Variants in TBX18 observed in about 807,000 individuals in gnomAD.
TBX18 encodes the protein T-box transcription factor 18.
In TBX18, 21 loss-of-function variants were observed where a neutral mutation model predicts 55.0. The observed-to-expected ratio is 0.38, with a 90% CI of 0.27 to 0.55. The LOEUF is 0.55. Ranked by LOEUF, TBX18 falls within the 20% of genes least tolerant of loss-of-function variation. TBX18 has a pLI of 0.73. For missense variants in TBX18, 840 were observed against 799.6 expected (o/e 1.05, Z -0.61); for synonymous variants, 342 against 326.1 (o/e 1.05, Z -0.53).
chr6:84,756,671 G>A, intron 4 of TBX18, 27 bp downstream of exon 4: 3 of 1,604,792 alleles, frequency 1.9e-6, no homozygotes, highest in Non-Finnish European at 2.6e-6. Context: ...GCCATCTACA[G>A]ATGCATTAGA....
intron 4 of TBX18, among the ~76,000 whole-genome samples, chr6:84,750,525 T>G (rs1431485163): frequency 6.6e-6 from 1 of 152,142 alleles, no homozygotes; most frequent in Admixed American, 6.5e-5. Flanking sequence ...ACATTACATA[T>G]ATTTAAGTCT....
intron 4 of TBX18, among the ~76,000 whole-genome samples, chr6:84,750,562 T>G (rs1767320592): frequency 6.6e-6 from 1 of 152,106 alleles, no homozygotes; most frequent in African/African-American, 2.4e-5. Context: ...ATACTCCAAT[T>G]TATAGATAGA....
At position 84,735,112 on chromosome 6, in the gene TBX18, A is replaced by ATTT. The variant is rs1227782766; in HGVS notation, c.*1572_*1573insAAA. On this transcript the variant is annotated 3_prime_UTR_variant, in exon 8 of 8. Coordinates refer to ENST00000369663, the MANE Select transcript of TBX18 (RefSeq NM_001080508.3). ...CCCCACCAAATCCAGGGATGAGTTAAAGCAACTCTTTTTAGCAATGAGAGA... is the reference window on the plus strand; with the variant it reads ...CCCCACCAAATCCAGGGATGAGTTAATTTAGCAACTCTTTTTAGCAATGAGAGA... The ATTT allele has an allele frequency of 6.6e-6, 1 of 152,188 alleles. No individual in the cohort carries two copies. The highest frequency in any genetic ancestry group is 1.9e-4 in the East Asian group (1 of 5,194). 9.4% of individuals were successfully genotyped at this position (152,188 alleles called of 1,614,324 possible).
chr6:84,753,015 T>C (rs561451839), intron 4 of TBX18, among the ~76,000 whole-genome samples: 25 of 152,268 alleles, frequency 1.6e-4, no homozygotes, highest in African/African-American at 6.0e-4. Context: ...GGGAAGGAAT[T>C]ACCCTACTCA....
Position 84,756,844 on chromosome 6 carries a change from T to C in TBX18, c.625A>G (p.Met209Val). ...GGCGAGTCAGCATTACCTGCCACCA[T>C]CCATTTCGAACTGTGGTAAACATAC... ...YRYVYHSSKW[M>V]VAGNADSPVP... The change falls in exon 4 of 8, where the codon ATG (methionine) becomes GTG (valine). Residue 209 changes from methionine (M) to valine (V), a missense_variant. Transcript: ENST00000369663. 1 of 1,614,134 alleles carries C rather than the reference T, an allele frequency of 6.2e-7. No individual in the cohort carries two copies.
At chr6:84,752,400 A>G (rs930305004) in intron 4 of TBX18, among the ~76,000 whole-genome samples, 4 of 152,196 alleles carry the variant, frequency 2.6e-5, no homozygotes, top group Non-Finnish European at 5.9e-5. Flanking sequence ...CTTGCTCCCT[A>G]CATTTTTTGG....
intron 6 of TBX18, among the ~76,000 whole-genome samples, chr6:84,740,054 CT>C (rs1767007321): frequency 1.3e-5 from 2 of 152,266 alleles, no homozygotes; most frequent in South Asian, 4.1e-4. Context: ...GCACATAAGC[CT>C]GACTCATCTC....
At chr6:84,753,887 A>C (rs1767418362) in intron 4 of TBX18, among the ~76,000 whole-genome samples, 1 of 152,102 alleles carries the variant, frequency 6.6e-6, no homozygotes, top group South Asian at 2.1e-4. Context: ...CTCTCCCCAC[A>C]TAGGCTAGAA....
At chr6:84,762,281 G>C (rs1183938996) in intron 2 of TBX18, among the ~76,000 whole-genome samples, 1 of 152,150 alleles carries the variant, frequency 6.6e-6, no homozygotes, top group Non-Finnish European at 1.5e-5. Context: ...CATCAACCGC[G>C]ACAGCTGTGG....
Position 84,732,588 on chromosome 6 carries a change from T to G in TBX18, c.*4097A>C, listed in dbSNP as rs529912971. On this transcript the variant is annotated 3_prime_UTR_variant, in exon 8 of 8. Transcript: ENST00000369663. ...TATACTTATTTCAAAACAAAATAATTTAATGCCATGCAATTAAGAGCATCA... is the reference window on the plus strand; with the variant it reads ...TATACTTATTTCAAAACAAAATAATGTAATGCCATGCAATTAAGAGCATCA... 5.9e-5 allele frequency: 9 copies of G among 152,226 alleles called. No homozygotes were observed. The East Asian group carries it at 1.5e-3, about 26-fold the overall frequency. The allele number at this position is 152,226 out of a possible 1,614,324, so 9.4% of individuals were successfully genotyped here.
chr6:84,762,987 G>C, intron 1 of TBX18: 2 of 569,244 alleles, frequency 3.5e-6, no homozygotes, highest in Non-Finnish European at 6.2e-6. Flanking sequence ...CCCAAGCCCG[G>C]GAGAGGCGCG....
chr6:84,764,273 G>T lies in TBX18; in HGVS notation c.-92C>A. Reference sequence around the variant, plus strand: ...CTCTTCCCCCACCAAAAACTAAAAGGCTCTCGGGGCCTCCCGAGATCTGCC... The same window carrying T: ...CTCTTCCCCCACCAAAAACTAAAAGTCTCTCGGGGCCTCCCGAGATCTGCC... On this transcript the variant is annotated 5_prime_UTR_variant, in exon 1 of 8. Transcript: ENST00000369663. 1 of 1,354,826 alleles carries T rather than the reference G, an allele frequency of 7.4e-7. No individual in the cohort carries two copies. The highest frequency in any genetic ancestry group is 9.5e-7 in the Non-Finnish European group (1 of 1,057,756). 83.9% of individuals were successfully genotyped at this position (1,354,826 alleles called of 1,614,324 possible).
chr6:84,759,919 C>T (rs774959412), intron 3 of TBX18, among the ~76,000 whole-genome samples: 27 of 152,032 alleles, frequency 1.8e-4, no homozygotes, highest in Non-Finnish European at 3.1e-4. Flanking sequence ...TATCTATAAA[C>T]ATTACATAAC....
chr6:84,753,941 T>G (rs968487890), intron 4 of TBX18, among the ~76,000 whole-genome samples: 11 of 152,142 alleles, frequency 7.2e-5, no homozygotes, highest in African/African-American at 2.4e-4. Context: ...TATTTTTTAT[T>G]TTTTGAAGCA....
Position 84,738,361 on chromosome 6 carries a change from A to G in TBX18, c.1099+136T>C, listed in dbSNP as rs989323083. ...GATCCATCCCCATACCATGCAGAAG[A>G]CAGATGGAATCTGTAGGACAATGCT... On this transcript the variant is annotated intron_variant, in intron 7 of 7. Transcript: ENST00000369663. The G allele has an allele frequency of 8.9e-5, 68 of 765,378 alleles. No homozygotes were observed. In the African/African-American group the frequency reaches 1.1e-3, roughly 12 times the overall value. The allele number at this position is 765,378 out of a possible 1,614,324, so 47.4% of individuals were successfully genotyped here.
In TBX18 at chr6:84,737,351, G is replaced by T; in HGVS notation, c.1158C>A (p.His386Gln). 1.9e-6 allele frequency: 3 copies of T among 1,562,830 alleles called. No homozygotes were observed. Among genetic ancestry groups the T allele is most frequent in the East Asian group, 2.2e-5 (1 of 44,508 alleles). The change falls in exon 8 of 8, where the codon CAC becomes CAA. Residue 386 changes from histidine (H) to glutamine (Q), a missense_variant. By Grantham distance (24) the His-to-Gln change is conservative. Coordinates refer to ENST00000369663, the MANE Select transcript of TBX18 (RefSeq NM_001080508.3). ...QGTGNGVPAT[H>Q]PHLLSGSSCS... The stretch of plus-strand genomic sequence containing the variant: ...AAGAGGAGCCAGACAAAAGGTGAGG[G>T]TGAGTGGCAGGAACGCCATTCCCAG...
rs570937915 is a variant in TBX18 at position 84,739,406 on chromosome 6, C to A, written c.1005-815G>T. Among the ~76,000 whole-genome samples, 9 of 152,212 alleles carry A rather than the reference C, an allele frequency of 5.9e-5. No individual in the cohort carries two copies. The South Asian group carries it at 1.9e-3, about 32-fold the overall frequency. On this transcript the variant is annotated intron_variant, in intron 6 of 7. Coordinates refer to ENST00000369663, the MANE Select transcript of TBX18 (RefSeq NM_001080508.3). Reference sequence around the variant, plus strand: ...CAACTACTCTAAATACATATATCAACCATCTCCTACCATGAATGATTCAGA... The same window carrying A: ...CAACTACTCTAAATACATATATCAAACATCTCCTACCATGAATGATTCAGA...
chr6:84,763,220 A>T (rs1263396283), intron 1 of TBX18: 5 of 367,982 alleles, frequency 1.4e-5, no homozygotes, highest in Non-Finnish European at 2.6e-5. Flanking sequence ...TTAAGCCATA[A>T]GCGTCTGCGG....
At chr6:84,753,619 C>T (rs1767410658) in intron 4 of TBX18, among the ~76,000 whole-genome samples, 2 of 152,316 alleles carry the variant, frequency 1.3e-5, no homozygotes, top group Middle Eastern at 6.8e-3. Flanking sequence ...GAGGTCTCTG[C>T]ATCAGCAAAG....
Sources: gnomAD v4.1 joint callset for allele counts (sites outside exome capture counted in the v4.1 genomes callset) on GRCh38, gnomAD v4.1.1 for gene constraint, MANE v1.5 for transcripts, NCBI Gene and HGNC (gene_info 2026-07-23, HGNC 2026-07-21) for gene names.